The following FOXP2 variants were observed in gnomAD, a reference collection of about 807,000 sequenced individuals.
FOXP2 encodes the protein forkhead box P2, also known as forkhead box protein P2.
A neutral mutation model predicts 115.8 loss-of-function variants in FOXP2; 12 were observed. The ratio of observed to expected loss-of-function variants is 0.10; its 90% CI spans 0.07 to 0.17. The LOEUF is 0.17. Ranked by LOEUF, FOXP2 falls within the 10% of genes least tolerant of loss-of-function variation. The pLI is 1.00. For synonymous variants in FOXP2, 328 were observed against 297.7 expected, an observed-to-expected ratio of 1.10 and a Z score of -1.05; for missense variants, 629 against 843.5, an observed-to-expected ratio of 0.75 and a Z score of 3.15.
At chr7:114,531,238 T>C (rs1257111021) in intron 2 of FOXP2, among the ~76,000 whole-genome samples, 2 of 151,806 alleles carry the variant, frequency 1.3e-5, no homozygotes, top group Non-Finnish European at 2.9e-5. Context: ...AATGACTAGA[T>C]GGCGCAGAGA....
chr7:114,297,989 G>A (rs1347798977), intron 2 of FOXP2, among the ~76,000 whole-genome samples: 1 of 152,090 alleles, frequency 6.6e-6, no homozygotes, highest in Non-Finnish European at 1.5e-5. Flanking sequence ...ATCAGTAAGT[G>A]TTAAAGTCTA....
At chr7:114,297,703 A>T (rs1378072697) in intron 2 of FOXP2, among the ~76,000 whole-genome samples, 1 of 152,012 alleles carries the variant, frequency 6.6e-6, no homozygotes, top group Non-Finnish European at 1.5e-5. Context: ...TTTTTCCTCC[A>T]TGGGATTCAG....
intron 2 of FOXP2, among the ~76,000 whole-genome samples, chr7:114,391,857 T>C (rs772623209): frequency 1.2e-4 from 18 of 152,198 alleles, no homozygotes; most frequent in Non-Finnish European, 2.1e-4. Context: ...CATTATTAAT[T>C]CTAGTTTGTG....
intron 2 of FOXP2, among the ~76,000 whole-genome samples, chr7:114,382,878 G>A (rs180707455): frequency 1.3e-5 from 2 of 152,252 alleles, no homozygotes; most frequent in East Asian, 3.9e-4. Context: ...GTGTTATGTG[G>A]ACATCATTGA....
chr7:114,462,994 G>T, intron 2 of FOXP2: 1 of 353,818 alleles, frequency 2.8e-6, no homozygotes, highest in Non-Finnish European at 5.5e-6. Context: ...GTTCATCCAA[G>T]ATGCAGTATA....
At chr7:114,206,525 A>G (rs1342825961) in intron 1 of FOXP2, among the ~76,000 whole-genome samples, 1 of 152,108 alleles carries the variant, frequency 6.6e-6, no homozygotes, top group Non-Finnish European at 1.5e-5. Flanking sequence ...GCCTTCCACG[A>G]CAATTCCATT....
intron 3 of FOXP2, among the ~76,000 whole-genome samples, chr7:114,597,763 T>C (rs1802805114): frequency 6.6e-6 from 1 of 152,148 alleles, no homozygotes; most frequent in African/African-American, 2.4e-5. Context: ...GCAAGATATA[T>C]TGCTTCCCAT....
intron 8 of FOXP2, among the ~76,000 whole-genome samples, chr7:114,650,182 G>T (rs958120572): frequency 1.3e-5 from 2 of 151,896 alleles, no homozygotes. Flanking sequence ...ACTTTTTTTA[G>T]TTCTTTAAAT....
At position 114,560,111 on chromosome 7, in the gene FOXP2, G is replaced by A. The variant is rs185621053; in HGVS notation, c.258+25405G>A. Among the ~76,000 whole-genome samples, 862 of 152,108 alleles carry A rather than the reference G, an allele frequency of 5.7e-3. 6 individuals carry two copies. The highest frequency in any genetic ancestry group is 0.019 in the African/African-American group (799 of 41,500). ...TTTAAATTTAGAATCCATTAAAGAAGAAAAGTGGAATGAGTATATAGTGTT... is the reference window on the plus strand; with the variant it reads ...TTTAAATTTAGAATCCATTAAAGAAAAAAAGTGGAATGAGTATATAGTGTT... On this transcript the variant is annotated intron_variant, in intron 3 of 16. Transcript: ENST00000350908.
chr7:114,519,052 C>T (rs1336844642), intron 2 of FOXP2, among the ~76,000 whole-genome samples: 1 of 152,080 alleles, frequency 6.6e-6, no homozygotes, highest in Non-Finnish European at 1.5e-5. Flanking sequence ...ATGTTACTGC[C>T]CTGTAGATAG....
chr7:114,634,501 A>C (rs540789223), intron 6 of FOXP2, among the ~76,000 whole-genome samples: 3 of 152,130 alleles, frequency 2.0e-5, no homozygotes, highest in African/African-American at 7.2e-5. Flanking sequence ...AAATTATTTT[A>C]AATATTAATC....
intron 1 of FOXP2, among the ~76,000 whole-genome samples, chr7:114,127,947 T>C (rs1237485694): frequency 6.6e-6 from 1 of 152,172 alleles, no homozygotes; most frequent in Non-Finnish European, 1.5e-5. Flanking sequence ...AATGAACATA[T>C]GTCTTGTTAA....
intron 2 of FOXP2, among the ~76,000 whole-genome samples, chr7:114,509,250 T>A (rs1230863380): frequency 1.3e-5 from 2 of 151,798 alleles, no homozygotes; most frequent in Non-Finnish European, 2.9e-5. Context: ...ATCAACATGA[T>A]GTGGTTTAAT....
chr7:114,151,713 C>T (rs1792533076), intron 1 of FOXP2, among the ~76,000 whole-genome samples: 1 of 152,008 alleles, frequency 6.6e-6, no homozygotes, highest in Non-Finnish European at 1.5e-5. Context: ...TTATTTCATG[C>T]AATACTAAGT....
At chr7:114,181,565 T>G (rs746792332) in intron 1 of FOXP2, among the ~76,000 whole-genome samples, 1 of 151,974 alleles carries the variant, frequency 6.6e-6, no homozygotes, top group Non-Finnish European at 1.5e-5. Flanking sequence ...TCCTTTATGT[T>G]ACCCAGGTAC....
At chr7:114,436,341 T>C (rs1794348867) in intron 2 of FOXP2, among the ~76,000 whole-genome samples, 2 of 151,590 alleles carry the variant, frequency 1.3e-5, no homozygotes, top group African/African-American at 2.4e-5. Flanking sequence ...GATTATTTCA[T>C]GTGTATTCCC....
chr7:114,527,170 T>G (rs950621546), intron 2 of FOXP2, among the ~76,000 whole-genome samples: 2 of 152,164 alleles, frequency 1.3e-5, no homozygotes, highest in African/African-American at 4.8e-5. Flanking sequence ...AATATTCTAT[T>G]AAATAAATAT....
intron 3 of FOXP2, among the ~76,000 whole-genome samples, chr7:114,555,688 A>G (rs1584890223): frequency 6.6e-6 from 1 of 152,010 alleles, no homozygotes; most frequent in African/African-American, 2.4e-5. Context: ...TCCCAGCTAC[A>G]CGGGAGGCTG....
intron 6 of FOXP2, among the ~76,000 whole-genome samples, chr7:114,639,066 C>T (rs991085011): frequency 4.6e-5 from 7 of 152,094 alleles, no homozygotes; most frequent in Admixed American, 2.6e-4. Flanking sequence ...CAAGTGGATA[C>T]TTACATAACT....
Sources: gnomAD v4.1 joint callset for allele counts (sites outside exome capture counted in the v4.1 genomes callset) on GRCh38, gnomAD v4.1.1 for gene constraint, MANE v1.5 for transcripts, NCBI Gene and HGNC (gene_info 2026-07-23, HGNC 2026-07-21) for gene names.